The following BCR variants were observed in gnomAD, a reference collection of about 807,000 sequenced individuals.
BCR encodes BCR activator of RhoGEF and GTPase.
Under a neutral mutation model 138.6 loss-of-function variants are expected in BCR, and 58 were observed. The ratio of observed to expected loss-of-function variants is 0.42; its 90% CI spans 0.34 to 0.52. The LOEUF (loss-of-function observed/expected upper bound fraction) is 0.52. BCR is among the 20% of genes least tolerant of loss of function. The pLI is 0.06. For missense variants in BCR, 1,599 were observed against 1,727.2 expected (o/e 0.93, Z 1.32); for synonymous variants, 786 against 730.1 (o/e 1.08, Z -1.23).
At chr22:23,302,475 G>A (rs76187009) in intron 16 of BCR, 6,065 of 152,432 alleles carry the variant, frequency 0.04, 336 homozygotes, top group Admixed American at 0.11. Context: ...CTTCTGAGTC[G>A]AGGTGCATAA....
intron 1 of BCR, 136 bp from the exon 2 acceptor site, chr22:23,253,663 A>T: frequency 1.1e-6 from 1 of 941,222 alleles, no homozygotes; most frequent in Non-Finnish European, 1.6e-6. Flanking sequence ...TGTGAAGGGG[A>T]CGTCAGCATA....
intron 7 of BCR, 48 bp downstream of exon 7, chr22:23,273,181 G>A (rs1444015346): frequency 1.1e-5 from 18 of 1,580,608 alleles, no homozygotes; most frequent in African/African-American, 2.7e-5. Context: ...GCCCCCTCGG[G>A]CACACACAGC....
intron 22 of BCR, among the ~76,000 whole-genome samples, 198 bp downstream of exon 22, chr22:23,314,912 A>C (rs995952546): frequency 1.3e-5 from 2 of 152,252 alleles, no homozygotes; most frequent in Non-Finnish European, 2.9e-5. Context: ...CTGCTAGTGC[A>C]CTTTGCTGGA....
chr22:23,199,423 G>T (rs908710983), intron 1 of BCR: 67 of 438,258 alleles, frequency 1.5e-4, no homozygotes, highest in Middle Eastern at 1.2e-3. Context: ...TGGCAAGGAA[G>T]TCTGGGAAGG....
At chr22:23,298,735 A>G (rs1191969762) in intron 16 of BCR, among the ~76,000 whole-genome samples, 4 of 151,912 alleles carry the variant, frequency 2.6e-5, no homozygotes, top group Admixed American at 2.6e-4. Flanking sequence ...AGCTGTTATT[A>G]CAGGCATGTG....
intron 16 of BCR, among the ~76,000 whole-genome samples, chr22:23,304,338 T>TTTC (rs1352549288): frequency 2.0e-5 from 3 of 152,172 alleles, no homozygotes; most frequent in Non-Finnish European, 4.4e-5. Context: ...GGAATCATAC[T>TTTC]AGAGTGGGCT....
At chr22:23,245,500 C>G (rs1214547974) in intron 1 of BCR, among the ~76,000 whole-genome samples, 1 of 152,136 alleles carries the variant, frequency 6.6e-6, no homozygotes, top group Non-Finnish European at 1.5e-5. Flanking sequence ...GAACCAAGGA[C>G]CCTGGTGGCA....
intron 5 of BCR, 31 bp from the exon 6 acceptor site, chr22:23,271,501 T>C: frequency 6.2e-7 from 1 of 1,611,778 alleles, no homozygotes; most frequent in Non-Finnish European, 8.5e-7. Flanking sequence ...GCTTCTGTCA[T>C]CTGTGTGAAC....
chr22:23,260,924 C>T, intron 2 of BCR, 26 bp from the exon 3 acceptor site: 1 of 1,605,788 alleles, frequency 6.2e-7, no homozygotes, highest in Non-Finnish European at 8.5e-7. Flanking sequence ...CCCTTCCAGG[C>T]TGACTTCTGT....
At chr22:23,304,061 G>C (rs1190227443) in intron 16 of BCR, among the ~76,000 whole-genome samples, 1 of 144,678 alleles carries the variant, frequency 6.9e-6, no homozygotes, top group Non-Finnish European at 1.5e-5. Flanking sequence ...AGCCTCTCAA[G>C]TAGCTGGGAC....
In BCR at chr22:23,293,564, A is replaced by G. The variant is rs190204381; in HGVS notation, c.2880+926A>G. ...AGTGGCAGCTGTGATGAGAGGGGGT[A>G]TAAGAGCCACAGGGGATCCATCGAA... On this transcript the variant is annotated intron_variant, in intron 15 of 22. Coordinates refer to ENST00000305877, the MANE Select transcript of BCR (RefSeq NM_004327.4). Among the ~76,000 whole-genome samples, 396 of 152,288 alleles carry G rather than the reference A, an allele frequency of 2.6e-3. 2 individuals are homozygous for G. The highest frequency in any genetic ancestry group is 9.0e-3 in the African/African-American group (375 of 41,556).
intron 8 of BCR, among the ~76,000 whole-genome samples, chr22:23,274,907 C>CAAAAAA (rs758602402): frequency 1.2e-5 from 1 of 84,014 alleles, no homozygotes; most frequent in Admixed American, 1.3e-4. Context: ...AACTCCATCT[C>CAAAAAA]AAAAAAAAAA....
chr22:23,281,659 GA>G (rs1265127846), intron 8 of BCR, among the ~76,000 whole-genome samples: 1 of 151,768 alleles, frequency 6.6e-6, no homozygotes, highest in African/African-American at 2.4e-5. Flanking sequence ...GCTTCTCTCA[GA>G]TGAGAGTTGC....
Position 23,180,578 on chromosome 22 carries a change from G to A in BCR, c.-383G>A. On this transcript the variant is annotated 5_prime_UTR_variant, in exon 1 of 23. Transcript: ENST00000305877. ...GAGCTTAGCGTCCGAGGAGGCGGCG[G>A]CGGCGGCGGCGGCACGGCGGCGGCG... The A allele has an allele frequency of 2.6e-5, 1 of 38,620 alleles. No individual in the cohort carries two copies. The highest frequency in any genetic ancestry group is 3.4e-5 in the Non-Finnish European group (1 of 29,414). 2.4% of individuals were successfully genotyped at this position (38,620 alleles called of 1,614,324 possible).
rs537574293 is a variant in BCR at position 23,217,626 on chromosome 22, G to T, written c.1279+35387G>T. ...GTATTGTCTGGTTGACTGAAGTTAG[G>T]GAAGTGGGTGGGGAACATGGAATTG... On this transcript the variant is annotated intron_variant, in intron 1 of 22. Transcript: ENST00000305877. Among the ~76,000 whole-genome samples the T allele has an allele frequency of 2.0e-5, 3 of 152,346 alleles. No homozygotes were observed. The East Asian group carries it at 5.8e-4, about 29-fold the overall frequency.
chr22:23,215,626 A>G (rs2072742912), intron 1 of BCR, among the ~76,000 whole-genome samples: 1 of 152,174 alleles, frequency 6.6e-6, no homozygotes, highest in African/African-American at 2.4e-5. Flanking sequence ...CCATCTGCTG[A>G]TGGGGACAGG....
chr22:23,299,720 TA>T (rs2073884126), intron 16 of BCR, among the ~76,000 whole-genome samples: 1 of 147,190 alleles, frequency 6.8e-6, no homozygotes, highest in Non-Finnish European at 1.5e-5. Context: ...ATATATATAG[TA>T]AAATATATAT....
At chr22:23,217,471 G>A (rs1602025270) in intron 1 of BCR, among the ~76,000 whole-genome samples, 1 of 152,226 alleles carries the variant, frequency 6.6e-6, no homozygotes, top group East Asian at 1.9e-4. Flanking sequence ...GGTTCAACAT[G>A]AATTGACCCA....
In BCR at chr22:23,311,677, A is replaced by C. The variant is rs1235425995; in HGVS notation, c.3183-20A>C. ...CAAGCAGGGCTGTTAGGACACTGAG[A>C]ACATTCCCTCCTCCCGCAGGAGAGA... On this transcript the variant is annotated intron_variant, in intron 18 of 22. Transcript: ENST00000305877. 8 of 1,573,046 alleles carry C rather than the reference A, an allele frequency of 5.1e-6. No individual in the cohort carries two copies. The Admixed American group carries it at 1.4e-4, about 27-fold the overall frequency.
Sources: gnomAD v4.1 joint callset for allele counts (sites outside exome capture counted in the v4.1 genomes callset) on GRCh38, gnomAD v4.1.1 for gene constraint, MANE v1.5 for transcripts, NCBI Gene and HGNC (gene_info 2026-07-23, HGNC 2026-07-21) for gene names.